PCSK4: variants seen among roughly 807,000 people sequenced by gnomAD.
PCSK4 encodes the protein proprotein convertase subtilisin/kexin type 4.
PCSK4 carries 64 observed loss-of-function variants against 80.3 expected under a neutral mutation model. The observed-to-expected ratio is 0.80, with a 90% CI of 0.65 to 0.98. The LOEUF (loss-of-function observed/expected upper bound fraction) is 0.98, where lower values mean the gene tolerates loss of function less well. PCSK4 is among the 50% of genes least tolerant of loss of function. The pLI is 0.00. For missense variants in PCSK4, 1,213 were observed against 1,093.6 expected (o/e 1.11, Z -1.54); for synonymous variants, 561 against 487.6 (o/e 1.15, Z -1.98).
At chr19:1,483,966 G>A (rs1271095403) in intron 9 of PCSK4, 25 bp from the exon 10 acceptor site, 1 of 1,423,006 alleles carries the variant, frequency 7.0e-7, no homozygotes, top group Non-Finnish European at 9.3e-7. Flanking sequence ...GGCGGGGGCG[G>A]GTGAGCCGCC....
At chr19:1,483,706 G>A (rs780243044) in exon 11 of PCSK4, 2 of 1,596,180 alleles carry the variant, frequency 1.3e-6, no homozygotes, top group African/African-American at 1.3e-5. Flanking sequence ...TGGGCAGCCA[G>A]GTGCGGGCGG....
rs762403609 is a variant in PCSK4, at chr19:1,483,429, C to CGTTTT, written c.1421_1425dup (p.Val476LysfsTer23). On this transcript the variant is annotated frameshift_variant, in exon 12 of 15. Transcript: ENST00000300954. LOFTEE classifies it high-confidence loss of function. The stretch of plus-strand genomic sequence containing the variant: ...TTGTGGAGGCCGGCGCAGGCCGATA[C>CGTTTT]GTTTTCCCTGATGTAGATCAGCGGC... 6.3e-7 allele frequency: 1 copy of CGTTTT among 1,599,028 alleles called. No individual in the cohort carries two copies. The highest frequency in any genetic ancestry group is 8.5e-7 in the Non-Finnish European group (1 of 1,178,510).
exon 4 of PCSK4, chr19:1,488,018 G>A (rs1035508521): frequency 6.2e-7 from 1 of 1,613,422 alleles, no homozygotes; most frequent in African/African-American, 1.3e-5. Flanking sequence ...CCAGCACAGA[G>A]ACCACGATGC....
At chr19:1,486,727 C>A (rs942842172) in intron 8 of PCSK4, 126 bp downstream of exon 8, 3 of 795,596 alleles carry the variant, frequency 3.8e-6, no homozygotes, top group Non-Finnish European at 6.1e-6. Flanking sequence ...CCACCGTGCT[C>A]GGCCTGGATT....
At position 1,484,145 on chromosome 19, in the gene PCSK4, TG is replaced by T; in HGVS notation, c.1069-19del. ...GTGGTGACCTGAGGGCAGAGGGGGG[TG>T]GGACTCGGGGGGCCGTGCACAGTGA... On this transcript the variant is annotated intron_variant, in intron 8 of 14. Coordinates refer to ENST00000300954, the Ensembl canonical transcript of PCSK4. 2 of 1,449,292 alleles carry T rather than the reference TG, an allele frequency of 1.4e-6. No homozygotes were observed. The highest frequency in any genetic ancestry group is 1.2e-5 in the South Asian group (1 of 82,234). 89.8% of individuals were successfully genotyped at this position (1,449,292 alleles called of 1,614,324 possible).
intron 2 of PCSK4, 75 bp from the exon 3 acceptor site, chr19:1,488,355 G>A: frequency 9.0e-7 from 1 of 1,109,980 alleles, no homozygotes; most frequent in African/African-American, 1.5e-5. Context: ...GAGTGAGGCA[G>A]CCCCGTGCCC....
At chr19:1,486,617 A>G (rs1886727567) in intron 8 of PCSK4, among the ~76,000 whole-genome samples, 1 of 150,666 alleles carries the variant, frequency 6.6e-6, no homozygotes, top group African/African-American at 2.4e-5. Flanking sequence ...TAGTTTTAGT[A>G]GAGACAGGGT....
chr19:1,486,038 T>C (rs751274100), intron 8 of PCSK4, among the ~76,000 whole-genome samples: 12 of 152,088 alleles, frequency 7.9e-5, no homozygotes, highest in Non-Finnish European at 1.3e-4. Flanking sequence ...AGTGGTGCAA[T>C]CTTGGCTCAC....
rs1398700345 is a variant in PCSK4, at chr19:1,487,702, G to A, written c.594-11C>T. 4.5e-6 allele frequency: 7 copies of A among 1,552,486 alleles called. No individual in the cohort carries two copies. Among genetic ancestry groups the A allele is most frequent in the Middle Eastern group, 1.7e-4 (1 of 5,988 alleles). On this transcript the variant is annotated splice_polypyrimidine_tract_variant and intron_variant, in intron 5 of 14. Coordinates refer to ENST00000300954, the Ensembl canonical transcript of PCSK4. Reference sequence around the variant, plus strand: ...CAGCGGGTCCCGTGCCTGGTGCCAGGGCCAAGAGGGGCTCCTGTCACGGCC... The same window carrying A: ...CAGCGGGTCCCGTGCCTGGTGCCAGAGCCAAGAGGGGCTCCTGTCACGGCC...
chr19:1,489,122 GCCT>G (rs1316563942), intron 2 of PCSK4, among the ~76,000 whole-genome samples: 1 of 146,604 alleles, frequency 6.8e-6, no homozygotes, highest in East Asian at 2.0e-4. Flanking sequence ...GTGACTGTAA[GCCT>G]CCTACTTTTT....
exon 1 of PCSK4, chr19:1,490,266 G>A: frequency 1.9e-6 from 3 of 1,606,594 alleles, no homozygotes; most frequent in Non-Finnish European, 2.5e-6. Context: ...CTCGGACCGG[G>A]GCCCACCCCA....
At chr19:1,490,499 G>T, upstream of PCSK4, 1 of 523,346 alleles carries the variant, frequency 1.9e-6, no homozygotes, top group Non-Finnish European at 3.4e-6. Context: ...GGAGGGGCGC[G>T]AAGATCTAAC....
In PCSK4 at chr19:1,487,325, G is replaced by C; in HGVS notation, c.683-12C>G. ...CAGCATCCGTACGCCTGCAGAGCCA[G>C]GGCGGGAGGGCCGCTGCCACCGGCC... is the stretch of plus-strand genomic sequence containing the variant. On this transcript the variant is annotated splice_polypyrimidine_tract_variant and intron_variant, in intron 6 of 14. Transcript: ENST00000300954. 1.9e-6 allele frequency: 3 copies of C among 1,572,502 alleles called. No homozygotes were observed. The highest frequency in any genetic ancestry group is 2.6e-6 in the Non-Finnish European group (3 of 1,162,984).
exon 8 of PCSK4, chr19:1,486,913 T>C: frequency 1.9e-6 from 3 of 1,603,150 alleles, no homozygotes; most frequent in Non-Finnish European, 2.5e-6. Context: ...AGGCGCAGGC[T>C]TCGCTGTACC....
At chr19:1,487,581 G>A (rs921368823) in intron 6 of PCSK4, 22 bp downstream of exon 6, 2 of 1,538,194 alleles carry the variant, frequency 1.3e-6, no homozygotes, top group Non-Finnish European at 1.8e-6. Flanking sequence ...CCGGAATGGT[G>A]CCGCTGGGGG....
In PCSK4 at chr19:1,488,246, C is replaced by T. The variant is rs746626491; in HGVS notation, c.329G>A (p.Arg110Gln). 26 of 1,613,468 alleles carry T rather than the reference C, an allele frequency of 1.6e-5. No homozygotes were observed. Among genetic ancestry groups the T allele is most frequent in the Non-Finnish European group, 2.1e-5 (25 of 1,179,908 alleles). The change falls in exon 3 of 15, where the codon CGG becomes CAG. Residue 110 changes from arginine to glutamine, a missense_variant. Coordinates refer to ENST00000300954, the Ensembl canonical transcript of PCSK4. ...GGGCACCACGACAGAGCGTTTCACC[C>T]GCCGCTGCAGCGTCTGCTGCTGGAA...
At chr19:1,485,055 G>T (rs758260693) in intron 8 of PCSK4, among the ~76,000 whole-genome samples, 31 of 151,774 alleles carry the variant, frequency 2.0e-4, no homozygotes, top group Non-Finnish European at 1.0e-4. Flanking sequence ...GGCTGAGGCA[G>T]GAGGATCGCT....
At chr19:1,488,237 C>A (rs772285344) in exon 3 of PCSK4, 2 of 1,611,658 alleles carry the variant, frequency 1.2e-6, no homozygotes, top group Non-Finnish European at 1.7e-6. Flanking sequence ...CACGACAGAG[C>A]GTTTCACCCG....
chr19:1,483,946 GGGGGGCGGGGGC>G lies in PCSK4; in HGVS notation c.1170-17_1170-6del, dbSNP rs746015042. On this transcript the variant is annotated splice_region_variant and splice_polypyrimidine_tract_variant and intron_variant, in intron 9 of 14. Transcript: ENST00000300954. The stretch of plus-strand genomic sequence containing the variant: ...TCTCTCCACGTCAGGAACGGGCTGC[GGGGGGCGGGGGC>G]GGGGGCGGGTGAGCCGCCGGGCCGC... 7.4e-5 allele frequency: 106 copies of G among 1,431,190 alleles called. No homozygotes were observed. The highest frequency in any genetic ancestry group is 8.7e-5 in the Non-Finnish European group (96 of 1,097,584). 88.7% of individuals were successfully genotyped at this position (1,431,190 alleles called of 1,614,324 possible). A position where few individuals can be genotyped will look rare whatever the true frequency, so the allele number is the denominator to read the frequency against.
Sources: gnomAD v4.1 joint callset for allele counts (sites outside exome capture counted in the v4.1 genomes callset) on GRCh38, gnomAD v4.1.1 for gene constraint, MANE v1.5 for transcripts, NCBI Gene and HGNC (gene_info 2026-07-23, HGNC 2026-07-21) for gene names.